Variants in CDH18 observed in about 807,000 individuals in gnomAD.
CDH18 encodes the protein cadherin 18.
In CDH18, 31 loss-of-function variants were observed where a neutral mutation model predicts 67.9. That is an observed-to-expected ratio of 0.46 (90% CI 0.34 to 0.62). The LOEUF (loss-of-function observed/expected upper bound fraction) is 0.62. Among genes scored for constraint, CDH18 ranks in the 20% least tolerant of loss-of-function variants. The probability of loss-of-function intolerance (pLI) is 0.01; values close to 1 mark genes in which losing one functional copy is unlikely to be tolerated. For missense variants in CDH18, 890 were observed against 975.5 expected (o/e 0.91, Z 1.17); for synonymous variants, 362 against 347.2 (o/e 1.04, Z -0.48).
chr5:20,462,655 G>T (rs935104385), intron 1 of CDH18, among the ~76,000 whole-genome samples: 4 of 152,210 alleles, frequency 2.6e-5, no homozygotes, highest in Non-Finnish European at 5.9e-5. Context: ...TAAAGTCATA[G>T]TTGTTATAAA....
chr5:19,673,273 G>C (rs565954787), intron 5 of CDH18, among the ~76,000 whole-genome samples: 1 of 151,864 alleles, frequency 6.6e-6, no homozygotes, highest in Non-Finnish European at 1.5e-5. Flanking sequence ...AGAGTTTATA[G>C]GTTTAGAAAA....
intron 1 of CDH18, among the ~76,000 whole-genome samples, chr5:20,271,664 T>G (rs1745444204): frequency 6.6e-6 from 1 of 151,896 alleles, no homozygotes; most frequent in African/African-American, 2.4e-5. Context: ...GGAAGAGCCT[T>G]GTGAGGACAT....
At chr5:20,548,967 CCATT>C (rs1757491237) in intron 1 of CDH18, among the ~76,000 whole-genome samples, 1 of 152,038 alleles carries the variant, frequency 6.6e-6, no homozygotes, top group Non-Finnish European at 1.5e-5. Flanking sequence ...GGGTGATAAT[CCATT>C]CACATTTGGA....
chr5:19,741,208 CAT>C (rs1769098581), intron 4 of CDH18, among the ~76,000 whole-genome samples: 1 of 142,356 alleles, frequency 7.0e-6, no homozygotes, highest in Non-Finnish European at 1.5e-5. Context: ...GTATATATGT[CAT>C]ATATGTATAT....
At chr5:20,388,028 C>A (rs1238416765) in intron 1 of CDH18, among the ~76,000 whole-genome samples, 2 of 148,876 alleles carry the variant, frequency 1.3e-5, no homozygotes, top group East Asian at 3.9e-4. Context: ...CTAAAATTCT[C>A]TTTTTTTGTT....
At chr5:20,032,805 G>C (rs1454802298) in intron 2 of CDH18, among the ~76,000 whole-genome samples, 1 of 151,860 alleles carries the variant, frequency 6.6e-6, no homozygotes, top group Non-Finnish European at 1.5e-5. Context: ...AGTTGTTGTT[G>C]AAACAGCTTT....
intron 6 of CDH18, 62 bp downstream of exon 6, chr5:19,612,372 T>C: frequency 1.3e-6 from 2 of 1,521,860 alleles, no homozygotes; most frequent in Non-Finnish European, 1.8e-6. Context: ...TGTTCAAGTA[T>C]TTCATTTTAC....
intron 2 of CDH18, among the ~76,000 whole-genome samples, chr5:19,871,531 T>A (rs1347701833): frequency 6.6e-6 from 1 of 152,208 alleles, no homozygotes; most frequent in Non-Finnish European, 1.5e-5. Flanking sequence ...CAAACTTTTT[T>A]AGGATGTAGC....
At position 19,882,758 on chromosome 5, in the gene CDH18, T is replaced by C. The variant is rs1787788978; in HGVS notation, c.-256-43516A>G. Among the ~76,000 whole-genome samples, 2 of 152,096 alleles carry C rather than the reference T, an allele frequency of 1.3e-5. 1 individual carries two copies. Among genetic ancestry groups the C allele is most frequent in the South Asian group, 4.1e-4 (2 of 4,828 alleles). Reference sequence around the variant, plus strand: ...ATATGTAATCACTGTCATCTTAGAATTAATGCCCTAAGAGAATGCCAGAAA... The same window carrying C: ...ATATGTAATCACTGTCATCTTAGAACTAATGCCCTAAGAGAATGCCAGAAA... On this transcript the variant is annotated intron_variant, in intron 2 of 12. Transcript: ENST00000382275.
At chr5:20,390,346 C>T (rs1380827998) in intron 1 of CDH18, among the ~76,000 whole-genome samples, 1 of 152,178 alleles carries the variant, frequency 6.6e-6, no homozygotes, top group South Asian at 2.1e-4. Flanking sequence ...ACAGACACTT[C>T]TCAAAGGAGA....
At chr5:19,987,572 T>C (rs917788810) in intron 1 of CDH18, among the ~76,000 whole-genome samples, 14 of 151,904 alleles carry the variant, frequency 9.2e-5, no homozygotes, top group Admixed American at 2.0e-4. Context: ...AAATGAGGCT[T>C]GTCCTGCTGC....
At chr5:20,486,727 G>A (rs1421777005) in intron 1 of CDH18, among the ~76,000 whole-genome samples, 3 of 150,982 alleles carry the variant, frequency 2.0e-5, no homozygotes, top group Admixed American at 2.0e-4. Context: ...GTATGTGTGT[G>A]TGTGTTGTGT....
At chr5:19,920,200 T>G (rs1792276481) in intron 2 of CDH18, among the ~76,000 whole-genome samples, 2 of 152,194 alleles carry the variant, frequency 1.3e-5, no homozygotes, top group South Asian at 4.1e-4. Context: ...AATTCATATC[T>G]TAGAGAAAAT....
chr5:20,203,648 A>T (rs1042869071), intron 2 of CDH18, among the ~76,000 whole-genome samples: 13 of 135,540 alleles, frequency 9.6e-5, no homozygotes, highest in African/African-American at 3.5e-4. Context: ...TGTATACAAT[A>T]AAAAAAAAAA....
At chr5:20,080,562 C>G (rs546821441) in intron 2 of CDH18, among the ~76,000 whole-genome samples, 3 of 152,184 alleles carry the variant, frequency 2.0e-5, no homozygotes, top group African/African-American at 7.2e-5. Flanking sequence ...AATTAAAATA[C>G]TTGAATGTAA....
At chr5:19,587,927 A>G (rs1202583905) in intron 7 of CDH18, among the ~76,000 whole-genome samples, 1 of 151,674 alleles carries the variant, frequency 6.6e-6, no homozygotes, top group African/African-American at 2.4e-5. Flanking sequence ...TGAGCATGGA[A>G]TTTTTTTCGT....
intron 4 of CDH18, among the ~76,000 whole-genome samples, chr5:19,741,256 T>C (rs959721972): frequency 1.3e-5 from 1 of 76,210 alleles, no homozygotes; most frequent in African/African-American, 2.7e-5. Flanking sequence ...TATGTATATA[T>C]GTATACATAT....
chr5:20,190,040 T>G (rs1042812783), intron 2 of CDH18, among the ~76,000 whole-genome samples: 8 of 152,106 alleles, frequency 5.3e-5, no homozygotes, highest in Non-Finnish European at 1.0e-4. Flanking sequence ...GTCTTCTTTT[T>G]GTAGAGCTTC....
chr5:20,505,054 A>G (rs1227302631), intron 1 of CDH18, among the ~76,000 whole-genome samples: 2 of 151,970 alleles, frequency 1.3e-5, no homozygotes, highest in Non-Finnish European at 2.9e-5. Flanking sequence ...GGTGTCGGCC[A>G]TCGCGCCTGG....
Sources: allele counts gnomAD v4.1 joint callset (sites outside exome capture counted in the v4.1 genomes callset), GRCh38; gene constraint gnomAD v4.1.1; transcripts MANE v1.5; gene names NCBI Gene and HGNC (gene_info 2026-07-23, HGNC 2026-07-21).